ARHGAP32: variants seen among roughly 807,000 people sequenced by gnomAD.
ARHGAP32 encodes Rho GTPase activating protein 32, also known as rho GTPase-activating protein 32.
ARHGAP32 carries 51 observed loss-of-function variants against 186.5 expected under a neutral mutation model. The observed-to-expected ratio is 0.27, with a 90% CI of 0.22 to 0.35. The LOEUF (loss-of-function observed/expected upper bound fraction) is 0.35, where lower values mean the gene tolerates loss of function less well. ARHGAP32 is among the 10% of genes least tolerant of loss of function. The pLI is 1.00. For synonymous variants in ARHGAP32, 950 were observed against 964.3 expected (o/e 0.99, Z 0.27); for missense variants, 2,186 against 2,623.5 (o/e 0.83, Z 3.64).
chr11:129,066,872 T>C lies in ARHGAP32; in HGVS notation c.532-4A>G. On this transcript the variant is annotated splice_polypyrimidine_tract_variant and splice_region_variant and intron_variant, in intron 6 of 22. Coordinates refer to ENST00000682385, the MANE Select transcript of ARHGAP32 (RefSeq NM_001378024.1). ...TTTTAACAATCCAACTTTTTCCCTATTGGTAGAAAAAAGAAACTCATATAA... is the reference window on the plus strand; with the variant it reads ...TTTTAACAATCCAACTTTTTCCCTACTGGTAGAAAAAAGAAACTCATATAA... 2 of 1,595,434 alleles carry C rather than the reference T, an allele frequency of 1.3e-6. No individual in the cohort carries two copies. Among genetic ancestry groups the C allele is most frequent in the Non-Finnish European group, 8.6e-7 (1 of 1,169,450 alleles).
Position 128,974,466 on chromosome 11 carries a change from G to A in ARHGAP32, c.2731C>T (p.Arg911Trp), listed in dbSNP as rs200378366. 4.1e-5 allele frequency: 66 copies of A among 1,614,052 alleles called. No individual in the cohort carries two copies. The highest frequency in any genetic ancestry group is 4.0e-4 in the East Asian group (18 of 44,900). Residue 911 changes from arginine (R) to tryptophan (W), a missense_variant, in exon 21 of 23, where the codon CGG becomes TGG. Arg to Trp is a moderately radical substitution (Grantham distance 101). This residue lies in a region of ARHGAP32 where 1,502 missense variants were observed against 1,570.0 expected (regional missense o/e 0.96). Transcript: ENST00000682385. ...ATAGAAGGTGATTTGCTTAATTTCC[G>A]TCCTATCTTCGGAGAGAAAGCATAG... ...VVYAFSPKIG[R>W]KLSKSPSMSI...
intron 11 of ARHGAP32, among the ~76,000 whole-genome samples, chr11:129,024,409 T>C (rs552084315): frequency 2.6e-3 from 401 of 152,332 alleles, no homozygotes; most frequent in African/African-American, 9.1e-3. Context: ...ATAAAAATGA[T>C]AGCACTTTAG....
At chr11:129,069,725 C>A (rs12271441) in intron 6 of ARHGAP32, among the ~76,000 whole-genome samples, 1 of 151,336 alleles carries the variant, frequency 6.6e-6, no homozygotes, top group Non-Finnish European at 1.5e-5. Flanking sequence ...CTCCTTTTCA[C>A]GAGAAGATGT....
intron 1 of ARHGAP32, among the ~76,000 whole-genome samples, chr11:129,168,768 C>G (rs1943691426): frequency 1.3e-5 from 2 of 151,930 alleles, no homozygotes; most frequent in African/African-American, 4.8e-5. Flanking sequence ...TGCTAGAAGA[C>G]AAAGTCTCAA....
chr11:129,277,045 T>C (rs1027393054), intron 1 of ARHGAP32, among the ~76,000 whole-genome samples: 2 of 152,216 alleles, frequency 1.3e-5, no homozygotes, highest in African/African-American at 4.8e-5. Flanking sequence ...AGTTCCTTTT[T>C]GTTTCATTCT....
chr11:129,003,122 C>A (rs1193449984), intron 11 of ARHGAP32, among the ~76,000 whole-genome samples: 1 of 152,106 alleles, frequency 6.6e-6, no homozygotes. Flanking sequence ...TTATTAAATG[C>A]TTTTTCAGCA....
chr11:129,100,353 G>T (rs1481310427), intron 5 of ARHGAP32, among the ~76,000 whole-genome samples: 1 of 152,152 alleles, frequency 6.6e-6, no homozygotes, highest in Non-Finnish European at 1.5e-5. Flanking sequence ...ACACATGCTT[G>T]CAGGGCAGCC....
intron 10 of ARHGAP32, among the ~76,000 whole-genome samples, chr11:129,053,683 T>A (rs939542640): frequency 3.3e-5 from 5 of 152,164 alleles, no homozygotes; most frequent in Non-Finnish European, 7.4e-5. Flanking sequence ...CATGGAGTTG[T>A]GGAATTAAAA....
chr11:129,117,153 A>G (rs919632499), intron 5 of ARHGAP32, among the ~76,000 whole-genome samples: 3 of 151,998 alleles, frequency 2.0e-5, no homozygotes, highest in African/African-American at 2.4e-5. Flanking sequence ...GAGTCAGTCT[A>G]TTCTTTTCTA....
chr11:128,972,697 G>T lies in ARHGAP32; in HGVS notation c.3809C>A (p.Thr1270Asn). ...YPPSGSPEEN[T>N]STATMTYMTT... Reference sequence around the variant, plus strand: ...CATGTAAGTCATGGTGGCTGTGCTGGTATTCTCTTCGGGGGACCCAGAAGG... The same window carrying T: ...CATGTAAGTCATGGTGGCTGTGCTGTTATTCTCTTCGGGGGACCCAGAAGG... The change falls in exon 22 of 23, where the codon ACC (threonine) becomes AAC (asparagine). Residue 1270 changes from threonine (T) to asparagine (N), a missense_variant. Physicochemically the swap from Thr to Asn is moderately conservative, Grantham distance 65. Transcript: ENST00000682385. 1.2e-6 allele frequency: 2 copies of T among 1,614,072 alleles called. No individual in the cohort carries two copies. Among genetic ancestry groups the T allele is most frequent in the Non-Finnish European group, 1.7e-6 (2 of 1,180,014 alleles).
intron 1 of ARHGAP32, among the ~76,000 whole-genome samples, chr11:129,209,904 C>A (rs1449759695): frequency 1.3e-5 from 2 of 152,070 alleles, no homozygotes; most frequent in Admixed American, 6.6e-5. Flanking sequence ...AAATCATAAC[C>A]AGAATGTCGG....
chr11:129,187,975 A>G (rs1944197055), intron 1 of ARHGAP32, among the ~76,000 whole-genome samples: 2 of 151,830 alleles, frequency 1.3e-5, no homozygotes, highest in African/African-American at 4.8e-5. Flanking sequence ...TTTGTTTTTG[A>G]GATGGAGTCT....
At chr11:129,254,614 C>CAG (rs1245514755) in intron 1 of ARHGAP32, among the ~76,000 whole-genome samples, 6 of 152,100 alleles carry the variant, frequency 3.9e-5, no homozygotes, top group Non-Finnish European at 8.8e-5. Flanking sequence ...ATGTCACACA[C>CAG]AGATAATTAA....
Position 129,123,344 on chromosome 11 carries a change from T to C in ARHGAP32, c.444+102A>G. Reference sequence around the variant, plus strand: ...AGACATCAATTAAAAAAAAAACTACTTCAAAGTGTCATCTATTAGATACAG... The same window carrying C: ...AGACATCAATTAAAAAAAAAACTACCTCAAAGTGTCATCTATTAGATACAG... On this transcript the variant is annotated intron_variant, in intron 5 of 22. Transcript: ENST00000682385. The surrounding 1 kb of genome is among the most constrained non-coding windows in gnomAD (Gnocchi z 4.6). 5.1e-6 allele frequency: 5 copies of C among 976,492 alleles called. No homozygotes were observed. The highest frequency in any genetic ancestry group is 7.5e-6 in the Non-Finnish European group (5 of 665,346). 60.5% of individuals were successfully genotyped at this position (976,492 alleles called of 1,614,324 possible). A position where few individuals can be genotyped will look rare whatever the true frequency, so the allele number is the denominator to read the frequency against.
In ARHGAP32 at chr11:129,024,400, T is replaced by C. The variant is rs762106830; in HGVS notation, c.1045+16528A>G. Among the ~76,000 whole-genome samples, 4 of 152,298 alleles carry C rather than the reference T, an allele frequency of 2.6e-5. No individual in the cohort carries two copies. In the South Asian group the frequency reaches 8.3e-4, roughly 32 times the overall value. ...AGTAGGTGGGAGACAGTGTATCCAA[T>C]AAAAATGATAGCACTTTAGGCTCCT... On this transcript the variant is annotated intron_variant, in intron 11 of 22. Transcript: ENST00000682385.
rs1157710124 is a variant in ARHGAP32 at position 128,972,507 on chromosome 11, T to C, written c.3999A>G (p.Pro1333=). The C allele has an allele frequency of 6.5e-7, 1 of 1,536,720 alleles. No individual in the cohort carries two copies. Among genetic ancestry groups the C allele is most frequent in the Non-Finnish European group, 8.8e-7 (1 of 1,142,164 alleles). Residue 1333 remains proline (P), a synonymous_variant, in exon 22 of 23, where the codon CCA becomes CCG. Coordinates refer to ENST00000682385, the MANE Select transcript of ARHGAP32 (RefSeq NM_001378024.1). The part of the protein sequence containing the change: ...PPSQRSAEQP[P]VVGQVQAATN... ...TTGCTGCTTGTACCTGCCCCACAAC[T>C]GGTGGCTGCTCTGCAGATCTCTGGG... is the stretch of plus-strand genomic sequence containing the variant.
intron 10 of ARHGAP32, among the ~76,000 whole-genome samples, chr11:129,054,175 CTCATGGAAAACCAAGAGAACATGGGGT>C (rs1427163066): frequency 2.8e-4 from 42 of 152,202 alleles, no homozygotes; most frequent in African/African-American, 1.0e-3. Context: ...CCTTGATCAT[CTCATGGAAAACCAAGAGAACATGGGGT>C]ATATAAAATT....
intron 5 of ARHGAP32, among the ~76,000 whole-genome samples, chr11:129,116,012 A>T (rs1942358357): frequency 6.6e-6 from 1 of 152,042 alleles, no homozygotes; most frequent in Admixed American, 6.6e-5. Flanking sequence ...TCACCATATC[A>T]CTTTATGGAG....
At chr11:128,996,374 A>T (rs1019268603) in intron 12 of ARHGAP32, among the ~76,000 whole-genome samples, 4 of 152,120 alleles carry the variant, frequency 2.6e-5, no homozygotes, top group African/African-American at 9.7e-5. Flanking sequence ...CCAAAAAATG[A>T]TTATATTTCC....
Sources: gnomAD v4.1 joint callset for allele counts (sites outside exome capture counted in the v4.1 genomes callset) on GRCh38, gnomAD v4.1.1 for gene constraint, gnomAD v4.1.1 regional missense constraint, Gnocchi (gnomAD v3.1) non-coding constraint, MANE v1.5 for transcripts, NCBI Gene and HGNC (gene_info 2026-07-23, HGNC 2026-07-21) for gene names.